TTBK2: variants seen among roughly 807,000 people sequenced by gnomAD.
TTBK2 encodes tau-tubulin kinase 2.
Under a neutral mutation model 110.8 loss-of-function variants are expected in TTBK2, and 28 were observed. The observed-to-expected ratio is 0.25, with a 90% CI of 0.19 to 0.35. TTBK2 has a LOEUF of 0.35. Among genes scored for constraint, TTBK2 ranks in the 10% least tolerant of loss-of-function variants. The pLI is 1.00. For missense variants in TTBK2, 1,369 were observed against 1,500.3 expected, an observed-to-expected ratio of 0.91 and a Z score of 1.45; for synonymous variants, 532 against 527.3, an observed-to-expected ratio of 1.01 and a Z score of -0.12.
At chr15:42,902,017 A>C (rs1249261360) in intron 1 of TTBK2, among the ~76,000 whole-genome samples, 2 of 151,932 alleles carry the variant, frequency 1.3e-5, no homozygotes, top group Non-Finnish European at 2.9e-5. Flanking sequence ...GGAGTTCGAG[A>C]CCATCCTGGC....
intron 1 of TTBK2, among the ~76,000 whole-genome samples, chr15:42,884,669 T>C (rs1340841654): frequency 6.6e-6 from 1 of 152,158 alleles, no homozygotes; most frequent in African/African-American, 2.4e-5. Context: ...GAAGGTTGAG[T>C]AGATTTCCAA....
intron 1 of TTBK2, among the ~76,000 whole-genome samples, chr15:42,883,856 G>C (rs1177242809): frequency 6.6e-6 from 1 of 151,928 alleles, no homozygotes; most frequent in South Asian, 2.1e-4. Context: ...AGGTTAAAGT[G>C]AATATACTTA....
chr15:42,800,030 C>G (rs1891117948), intron 9 of TTBK2, among the ~76,000 whole-genome samples: 5 of 151,918 alleles, frequency 3.3e-5, no homozygotes, highest in Admixed American at 2.6e-4. Context: ...CCCGAGGAGG[C>G]AGGGTTTGCA....
chr15:42,888,581 A>C (rs1895331838), intron 1 of TTBK2, among the ~76,000 whole-genome samples: 2 of 152,152 alleles, frequency 1.3e-5, no homozygotes, highest in South Asian at 4.1e-4. Context: ...CAGCAAGCCG[A>C]ACTCATTGCC....
At chr15:42,895,054 G>C (rs577370295) in intron 1 of TTBK2, among the ~76,000 whole-genome samples, 4 of 152,054 alleles carry the variant, frequency 2.6e-5, no homozygotes, top group Admixed American at 2.0e-4. Flanking sequence ...GAATAGAAGA[G>C]AATTTTCTAA....
chr15:42,872,816 GCA>G, intron 2 of TTBK2, 58 bp from the exon 3 acceptor site: 1 of 1,587,850 alleles, frequency 6.3e-7, no homozygotes, highest in Non-Finnish European at 8.6e-7. Context: ...TAACTTGAAA[GCA>G]ATTGATCTCT....
chr15:42,888,366 C>G (rs771713499), intron 1 of TTBK2, among the ~76,000 whole-genome samples: 10 of 152,114 alleles, frequency 6.6e-5, no homozygotes, highest in Non-Finnish European at 1.3e-4. Flanking sequence ...ACACCTGACC[C>G]CCGTGACTGT....
chr15:42,857,210 A>C (rs1179529396), intron 3 of TTBK2, among the ~76,000 whole-genome samples: 1 of 152,166 alleles, frequency 6.6e-6, no homozygotes, highest in Non-Finnish European at 1.5e-5. Context: ...TAAACCTAAA[A>C]CAGTTCTAAA....
At chr15:42,897,236 A>G (rs1427403581) in intron 1 of TTBK2, among the ~76,000 whole-genome samples, 1 of 152,192 alleles carries the variant, frequency 6.6e-6, no homozygotes, top group Non-Finnish European at 1.5e-5. Context: ...AAGAAAAAGA[A>G]TATTTAGAGT....
chr15:42,906,424 T>C (rs1252559377), intron 1 of TTBK2, among the ~76,000 whole-genome samples: 1 of 152,240 alleles, frequency 6.6e-6, no homozygotes, highest in African/African-American at 2.4e-5. Flanking sequence ...CATACTAATA[T>C]GATTACAAAT....
In TTBK2 at chr15:42,752,565, C is replaced by G. The variant is rs2061881010; in HGVS notation, c.2681G>C (p.Gly894Ala). 6.2e-7 allele frequency: 1 copy of G among 1,614,122 alleles called. No homozygotes were observed. Among genetic ancestry groups the G allele is most frequent in the Non-Finnish European group, 8.5e-7 (1 of 1,180,038 alleles). Residue 894 changes from glycine (G) to alanine (A), a missense_variant, in exon 14 of 15, where the codon GGA (glycine) becomes GCA (alanine). Physicochemically the swap from Gly to Ala is moderately conservative, Grantham distance 60. This residue lies in a region of TTBK2 where 1,097 missense variants were observed against 1,114.7 expected (regional missense o/e 0.98). Transcript: ENST00000267890. ...IMSEDLPGHQGDLSTFLHQEG... is the reference protein window; with the variant it reads ...IMSEDLPGHQADLSTFLHQEG... ...TTGGTGCAAAAAAGTAGAGAGGTCT[C>G]CTTGATGACCTGGCAAGTCTTCACT...
chr15:42,824,561 T>C (rs1892447803), intron 6 of TTBK2, among the ~76,000 whole-genome samples: 1 of 152,218 alleles, frequency 6.6e-6, no homozygotes, highest in Admixed American at 6.5e-5. Flanking sequence ...TAATATGTCA[T>C]GATTCTTCAT....
At chr15:42,778,250 A>T (rs1890017244) in intron 11 of TTBK2, among the ~76,000 whole-genome samples, 1 of 151,602 alleles carries the variant, frequency 6.6e-6, no homozygotes, top group African/African-American at 2.4e-5. Context: ...TGATTAACTT[A>T]ATATTTAATA....
chr15:42,801,178 T>G (rs537250440), intron 9 of TTBK2: 2 of 1,313,900 alleles, frequency 1.5e-6, no homozygotes, highest in South Asian at 2.5e-5. Context: ...GTGGTCTTCA[T>G]ATGGATACTC....
At chr15:42,797,732 T>C (rs562369580) in intron 9 of TTBK2, among the ~76,000 whole-genome samples, 10 of 152,174 alleles carry the variant, frequency 6.6e-5, no homozygotes, top group South Asian at 2.1e-4. Flanking sequence ...GTGAGTCAAA[T>C]AGATTTGAGA....
chr15:42,834,293 C>G (rs1892903296), intron 4 of TTBK2, among the ~76,000 whole-genome samples: 1 of 151,946 alleles, frequency 6.6e-6, no homozygotes, highest in Non-Finnish European at 1.5e-5. Flanking sequence ...CGATATGAAC[C>G]ATGGCATAAT....
At chr15:42,888,697 A>T (rs1307944205) in intron 1 of TTBK2, among the ~76,000 whole-genome samples, 1 of 152,062 alleles carries the variant, frequency 6.6e-6, no homozygotes, top group African/African-American at 2.4e-5. Flanking sequence ...TCCTCACTAC[A>T]CAAGGGTCCT....
intron 9 of TTBK2, chr15:42,798,212 C>T (rs1233858944): frequency 2.2e-6 from 1 of 456,024 alleles, no homozygotes; most frequent in Non-Finnish European, 4.4e-6. Context: ...CCCAATGTCA[C>T]TGGGGAACAA....
At chr15:42,835,810 G>A (rs1180079234) in intron 4 of TTBK2, among the ~76,000 whole-genome samples, 1 of 152,022 alleles carries the variant, frequency 6.6e-6, no homozygotes, top group African/African-American at 2.4e-5. Flanking sequence ...TATTAATTTC[G>A]GGAGGGACAG....
Sources: allele counts gnomAD v4.1 joint callset (sites outside exome capture counted in the v4.1 genomes callset), GRCh38; gene constraint gnomAD v4.1.1; regional missense constraint gnomAD v4.1.1; transcripts MANE v1.5; gene names NCBI Gene and HGNC (gene_info 2026-07-23, HGNC 2026-07-21).